Variants in SLC30A7 observed in about 807,000 individuals in gnomAD.
SLC30A7 encodes the protein zinc transporter 7.
SLC30A7 carries 35 observed loss-of-function variants against 46.0 expected under a neutral mutation model. The observed-to-expected ratio is 0.76, with a 90% CI of 0.58 to 1.01. SLC30A7 has a LOEUF of 1.01. Ranked by LOEUF, SLC30A7 falls within the 50% of genes least tolerant of loss-of-function variation. The pLI is 0.00. For synonymous variants in SLC30A7, 147 were observed against 157.8 expected (o/e 0.93, Z 0.51); for missense variants, 464 against 451.1 (o/e 1.03, Z -0.26).
intron 8 of SLC30A7, among the ~76,000 whole-genome samples, chr1:100,925,497 G>T (rs981930179): frequency 2.0e-5 from 3 of 152,164 alleles, no homozygotes; most frequent in African/African-American, 7.2e-5. Flanking sequence ...AGGCCATGGT[G>T]GCTTGGTCTT....
chr1:100,913,762 A>G lies in SLC30A7; in HGVS notation c.611A>G (p.His204Arg). 2 of 1,613,984 alleles carry G rather than the reference A, an allele frequency of 1.2e-6. No homozygotes were observed. Among genetic ancestry groups the G allele is most frequent in the African/African-American group, 1.3e-5 (1 of 75,050 alleles). ...HSHEVKHGAAHSHDHAHGHGH... is the reference protein window; with the variant it reads ...HSHEVKHGAARSHDHAHGHGH... ...CATGAAGTGAAACATGGTGCTGCAC[A>G]TAGCCATGATCATGCTCATGGACAT... The change falls in exon 6 of 11, where the codon CAT (histidine) becomes CGT (arginine). Residue 204 changes from histidine to arginine, a missense_variant. Coordinates refer to ENST00000357650, the MANE Select transcript of SLC30A7 (RefSeq NM_133496.5).
intron 8 of SLC30A7, among the ~76,000 whole-genome samples, chr1:100,936,687 T>C (rs1653982834): frequency 6.6e-6 from 1 of 152,176 alleles, no homozygotes; most frequent in Admixed American, 6.5e-5. Context: ...CTGCCATCCA[T>C]CCACAGAACT....
intron 3 of SLC30A7, 141 bp downstream of exon 3, chr1:100,907,106 G>A (rs1651726238): frequency 7.1e-6 from 4 of 560,772 alleles, no homozygotes; most frequent in East Asian, 3.0e-5. Context: ...AGGCCTCTTC[G>A]AGTTCCTACC....
chr1:100,915,111 T>C (rs114346190), intron 6 of SLC30A7, among the ~76,000 whole-genome samples: 33 of 88,414 alleles, frequency 3.7e-4, no homozygotes, highest in African/African-American at 1.4e-3. Flanking sequence ...CTCAATTCTT[T>C]CTTTTCTTTT....
intron 8 of SLC30A7, among the ~76,000 whole-genome samples, chr1:100,928,873 C>T (rs550003128): frequency 6.6e-6 from 1 of 152,220 alleles, no homozygotes; most frequent in African/African-American, 2.4e-5. Context: ...TGGTCAGCAT[C>T]AGAGAGCATT....
chr1:100,921,813 A>G lies in SLC30A7; in HGVS notation c.814A>G (p.Ile272Val), dbSNP rs780271462. 6.2e-7 allele frequency: 1 copy of G among 1,613,104 alleles called. No homozygotes were observed. Among genetic ancestry groups the G allele is most frequent in the African/African-American group, 1.3e-5 (1 of 75,014 alleles). ...GATGATAGCAGATCCTATCTGTTCA[A>G]TTCTTATAGCCATTCTTATAGTTGT... The part of the protein sequence containing the change: ...GLMIADPICS[I>V]LIAILIVVSV... Residue 272 changes from isoleucine (I) to valine (V), a missense_variant, in exon 8 of 11, where the codon ATT (isoleucine) becomes GTT (valine). By Grantham distance (29) the Ile-to-Val change is conservative. Transcript: ENST00000357650.
intron 8 of SLC30A7, among the ~76,000 whole-genome samples, chr1:100,932,285 C>T (rs961196640): frequency 1.3e-5 from 2 of 151,986 alleles, no homozygotes; most frequent in Non-Finnish European, 2.9e-5. Flanking sequence ...TGTGGTGGCA[C>T]ACATCTGTAA....
Position 100,980,378 on chromosome 1 carries a change from T to C in SLC30A7, c.*5521T>C, listed in dbSNP as rs1656854007. The stretch of plus-strand genomic sequence containing the variant: ...ATCTATGCTTAAACTTAACATTTAA[T>C]GTTGACTTCTTACAACAGCCTTGAA... On this transcript the variant is annotated 3_prime_UTR_variant, in exon 11 of 11. Coordinates refer to ENST00000357650, the MANE Select transcript of SLC30A7 (RefSeq NM_133496.5). 1 of 152,138 alleles carries C rather than the reference T, an allele frequency of 6.6e-6. No individual in the cohort carries two copies. The allele number at this position is 152,138 out of a possible 1,614,324, so 9.4% of individuals were successfully genotyped here. A position where few individuals can be genotyped will look rare whatever the true frequency, so the allele number is the denominator to read the frequency against.
At chr1:100,958,170 G>A (rs981188974) in intron 8 of SLC30A7, among the ~76,000 whole-genome samples, 7 of 151,616 alleles carry the variant, frequency 4.6e-5, no homozygotes, top group South Asian at 2.1e-4. Context: ...CAATATTTGC[G>A]TTGTTGTTGT....
rs968343534 is a variant in SLC30A7 at position 100,979,391 on chromosome 1, C to T, written c.*4534C>T. The T allele has an allele frequency of 2.8e-5, 4 of 143,206 alleles. No individual in the cohort carries two copies. Among genetic ancestry groups the T allele is most frequent in the Non-Finnish European group, 4.5e-5 (3 of 66,498 alleles). The allele number at this position is 143,206 out of a possible 1,614,324, so 8.9% of individuals were successfully genotyped here. ...GAAGCCTTAGTGACCCAGATCTCAA[C>T]CAGAGACTCAAGATAGCCTCAAATA... On this transcript the variant is annotated 3_prime_UTR_variant, in exon 11 of 11. Coordinates refer to ENST00000357650, the MANE Select transcript of SLC30A7 (RefSeq NM_133496.5).
chr1:100,897,481 T>C (rs1238092676), intron 2 of SLC30A7, among the ~76,000 whole-genome samples: 1 of 152,186 alleles, frequency 6.6e-6, no homozygotes, highest in East Asian at 1.9e-4. Flanking sequence ...TGAAAGCCAA[T>C]ACTCAGAATT....
intron 8 of SLC30A7, among the ~76,000 whole-genome samples, chr1:100,957,678 T>C (rs577659626): frequency 6.6e-6 from 1 of 152,276 alleles, no homozygotes; most frequent in South Asian, 2.1e-4. Context: ...GTTCCCTAGA[T>C]TGAGATTGGA....
At chr1:100,993,559 A>AAAATAT in the SLC30A7 span, among the ~76,000 whole-genome samples, 1 of 56,546 alleles carries the variant, frequency 1.8e-5, no homozygotes, top group African/African-American at 6.3e-5. Flanking sequence ...CGAAAATATA[A>AAAATAT]ATATATATAT....
chr1:100,980,747 A>C lies in SLC30A7; in HGVS notation c.*5890A>C, dbSNP rs886667499. The C allele has an allele frequency of 6.6e-6, 1 of 151,912 alleles. No homozygotes were observed. The highest frequency in any genetic ancestry group is 1.5e-5 in the Non-Finnish European group (1 of 67,908). 9.4% of individuals were successfully genotyped at this position (151,912 alleles called of 1,614,324 possible). On this transcript the variant is annotated 3_prime_UTR_variant, in exon 11 of 11. Coordinates refer to ENST00000357650, the MANE Select transcript of SLC30A7 (RefSeq NM_133496.5). ...TATACAGATGTTATCCATTTTACAA[A>C]TTGTTGGATCGGAATTTGACAGAAT...
intron 10 of SLC30A7, among the ~76,000 whole-genome samples, chr1:100,972,811 G>T (rs915843286): frequency 6.6e-6 from 1 of 151,958 alleles, no homozygotes; most frequent in African/African-American, 2.4e-5. Context: ...CTGGTATATA[G>T]CAAGGATTTA....
Position 100,911,109 on chromosome 1 carries a change from T to C in SLC30A7, c.343T>C (p.Leu115=), listed in dbSNP as rs1259561185. Residue 115 remains leucine (L), a synonymous_variant, in exon 4 of 11, where the codon TTG becomes CTG. Transcript: ENST00000357650. ...VLAGFVNGLF[L]IFTAFFIFSE... is the part of the protein sequence containing the mutation. ...GGCTGGCTTTGTCAATGGCCTATTTTTGATCTTCACTGCTTTTTTTATTTT... is the reference window on the plus strand; with the variant it reads ...GGCTGGCTTTGTCAATGGCCTATTTCTGATCTTCACTGCTTTTTTTATTTT... 4 of 1,612,182 alleles carry C rather than the reference T, an allele frequency of 2.5e-6. No homozygotes were observed. The highest frequency in any genetic ancestry group is 1.7e-4 in the Middle Eastern group (1 of 6,034).
intron 9 of SLC30A7, among the ~76,000 whole-genome samples, chr1:100,965,129 T>G (rs1163106644): frequency 6.6e-6 from 1 of 152,216 alleles, no homozygotes; most frequent in Non-Finnish European, 1.5e-5. Flanking sequence ...CAAAATCTCC[T>G]CTATGCCATC....
intron 8 of SLC30A7, among the ~76,000 whole-genome samples, chr1:100,929,065 A>G (rs576597036): frequency 1.3e-5 from 2 of 150,986 alleles, no homozygotes; most frequent in African/African-American, 4.8e-5. Flanking sequence ...TTATCTTTAC[A>G]TGTATGAGGG....
At chr1:100,944,681 G>T (rs1654529605) in intron 8 of SLC30A7, among the ~76,000 whole-genome samples, 1 of 127,610 alleles carries the variant, frequency 7.8e-6, no homozygotes, top group African/African-American at 3.1e-5. Flanking sequence ...GTGTATATGT[G>T]CCACAATTTC....
Sources: gnomAD v4.1 joint callset for allele counts (sites outside exome capture counted in the v4.1 genomes callset) on GRCh38, gnomAD v4.1.1 for gene constraint, MANE v1.5 for transcripts, NCBI Gene and HGNC (gene_info 2026-07-23, HGNC 2026-07-21) for gene names.